Variants in RPAP2 observed in about 807,000 individuals in gnomAD.
RPAP2 encodes the protein RNA polymerase II associated protein 2.
Under a neutral mutation model 73.1 loss-of-function variants are expected in RPAP2, and 52 were observed. That is an observed-to-expected ratio of 0.71 (90% CI 0.57 to 0.90). The LOEUF (loss-of-function observed/expected upper bound fraction) is 0.90, where lower values mean the gene tolerates loss of function less well. Ranked by LOEUF, RPAP2 falls within the 40% of genes least tolerant of loss-of-function variation. RPAP2 has a pLI of 0.00. For missense variants in RPAP2, 598 were observed against 701.8 expected (o/e 0.85, Z 1.67); for synonymous variants, 225 against 242.1 (o/e 0.93, Z 0.65).
chr1:92,369,403 TGTG>T (rs1442475585), intron 11 of RPAP2, among the ~76,000 whole-genome samples: 2 of 152,152 alleles, frequency 1.3e-5, no homozygotes, highest in Admixed American at 1.3e-4. Context: ...GTTTACAAGT[TGTG>T]GGAACCGATC....
intron 12 of RPAP2, among the ~76,000 whole-genome samples, chr1:92,382,683 G>T (rs562191512): frequency 6.6e-6 from 1 of 152,062 alleles, no homozygotes; most frequent in African/African-American, 2.4e-5. Flanking sequence ...CTTTGTCGAT[G>T]AGTAGGTTGC....
intron 10 of RPAP2, among the ~76,000 whole-genome samples, chr1:92,338,338 A>G (rs145886612): frequency 6.6e-6 from 1 of 152,366 alleles, no homozygotes; most frequent in East Asian, 1.9e-4. Flanking sequence ...GCCTTTGCCA[A>G]AAGAGGATTT....
intron 10 of RPAP2, among the ~76,000 whole-genome samples, chr1:92,345,419 GA>G (rs1393750284): frequency 9.0e-6 from 1 of 111,346 alleles, no homozygotes; most frequent in African/African-American, 3.2e-5. Context: ...AGAGAAGAAA[GA>G]AAGAGAGGAA....
intron 5 of RPAP2, among the ~76,000 whole-genome samples, chr1:92,306,517 G>A (rs886604411): frequency 2.0e-5 from 3 of 152,186 alleles, no homozygotes; most frequent in Non-Finnish European, 4.4e-5. Context: ...AGTACACAGT[G>A]AAAATTAATA....
chr1:92,309,906 G>T (rs970103997), intron 6 of RPAP2, among the ~76,000 whole-genome samples: 2 of 152,184 alleles, frequency 1.3e-5, no homozygotes, highest in African/African-American at 4.8e-5. Context: ...GTATTGGGGA[G>T]CCATCAAATG....
intron 1 of RPAP2, among the ~76,000 whole-genome samples, chr1:92,299,985 C>T (rs1457711806): frequency 6.6e-6 from 1 of 152,188 alleles, no homozygotes; most frequent in Non-Finnish European, 1.5e-5. Context: ...CCTACTTACA[C>T]ACTAGGCTAT....
At chr1:92,374,168 C>T (rs150014442) in intron 11 of RPAP2, among the ~76,000 whole-genome samples, 10 of 152,086 alleles carry the variant, frequency 6.6e-5, no homozygotes, top group African/African-American at 2.4e-4. Context: ...ATTGAGAAGC[C>T]AACAAGAGAG....
At chr1:92,380,309 A>C (rs574470855) in intron 11 of RPAP2, among the ~76,000 whole-genome samples, 1 of 152,180 alleles carries the variant, frequency 6.6e-6, no homozygotes, top group South Asian at 2.1e-4. Context: ...AATTTCATTC[A>C]AAAGGTAATC....
chr1:92,308,998 C>T (rs1233233174), intron 6 of RPAP2, among the ~76,000 whole-genome samples: 1 of 152,026 alleles, frequency 6.6e-6, no homozygotes, highest in Non-Finnish European at 1.5e-5. Flanking sequence ...TAAAACAGGT[C>T]TTCCTGTAAC....
At chr1:92,358,119 C>G (rs929779882) in intron 11 of RPAP2, among the ~76,000 whole-genome samples, 1 of 152,164 alleles carries the variant, frequency 6.6e-6, no homozygotes, top group Non-Finnish European at 1.5e-5. Context: ...GGAGCCAGAT[C>G]TGATACTATC....
At chr1:92,337,148 A>T (rs544040236) in intron 10 of RPAP2, among the ~76,000 whole-genome samples, 3 of 152,280 alleles carry the variant, frequency 2.0e-5, no homozygotes, top group Non-Finnish European at 4.4e-5. Flanking sequence ...TTGCACTGAC[A>T]CAGAATAAAC....
intron 11 of RPAP2, among the ~76,000 whole-genome samples, chr1:92,375,999 CAAA>C (rs1234687722): frequency 9.2e-5 from 6 of 65,270 alleles, no homozygotes; most frequent in Admixed American, 3.5e-4. Flanking sequence ...GACTCTGTCT[CAAA>C]AAAAAAAAAA....
intron 9 of RPAP2, among the ~76,000 whole-genome samples, chr1:92,334,262 TTTG>T (rs1161466913): frequency 2.6e-5 from 4 of 152,232 alleles, no homozygotes; most frequent in African/African-American, 9.6e-5. Flanking sequence ...ATAGGAGTTT[TTTG>T]TTGTTTGTTT....
intron 6 of RPAP2, 69 bp downstream of exon 6, chr1:92,307,345 T>G: frequency 9.7e-7 from 1 of 1,034,698 alleles, no homozygotes; most frequent in Non-Finnish European, 1.4e-6. Flanking sequence ...TTTTTGAGAT[T>G]AGCTGAGAGT....
intron 3 of RPAP2, among the ~76,000 whole-genome samples, chr1:92,302,534 G>T (rs1650924389): frequency 6.9e-6 from 1 of 144,506 alleles, no homozygotes; most frequent in Non-Finnish European, 1.5e-5. Flanking sequence ...TCAAAAACCT[G>T]AAATACAGCT....
rs1273896330 is a variant in RPAP2, at chr1:92,371,569, T to C, written c.1689-9155T>C. On this transcript the variant is annotated intron_variant, in intron 11 of 12. Transcript: ENST00000610020. Reference sequence around the variant, plus strand: ...ATACATGAATAAAGAAAATATGGTATATATATTATATACATATAAACAGCG... The same window carrying C: ...ATACATGAATAAAGAAAATATGGTACATATATTATATACATATAAACAGCG... Among the ~76,000 whole-genome samples, 4 of 151,766 alleles carry C rather than the reference T, an allele frequency of 2.6e-5. No homozygotes were observed. The East Asian group carries it at 7.7e-4, about 29-fold the overall frequency.
At chr1:92,386,234 T>C (rs1655859508) in intron 12 of RPAP2, among the ~76,000 whole-genome samples, 1 of 152,092 alleles carries the variant, frequency 6.6e-6, no homozygotes, top group Admixed American at 6.5e-5. Flanking sequence ...ATACTCAAGG[T>C]GAGAGGATTA....
chr1:92,390,243 A>C lies in RPAP2; in HGVS notation c.*3232A>C, dbSNP rs528587206. On this transcript the variant is annotated 3_prime_UTR_variant, in exon 13 of 13. Transcript: ENST00000610020. ...AGAAGAGAATGGGGGCCAATATTCA[A>C]CATTCTTAAAGAAAAGAATTTTCAA... 6.6e-6 allele frequency: 1 copy of C among 152,380 alleles called. No homozygotes were observed. Among genetic ancestry groups the C allele is most frequent in the East Asian group, 1.9e-4 (1 of 5,186 alleles). The allele number at this position is 152,380 out of a possible 1,614,324, so 9.4% of individuals were successfully genotyped here. A position where few individuals can be genotyped will look rare whatever the true frequency, so the allele number is the denominator to read the frequency against.
chr1:92,334,859 A>G (rs550193692), intron 9 of RPAP2, among the ~76,000 whole-genome samples: 1 of 152,170 alleles, frequency 6.6e-6, no homozygotes, highest in African/African-American at 2.4e-5. Context: ...GTGGTGGCGG[A>G]TGCCTGTAGT....
Sources: allele counts gnomAD v4.1 joint callset (sites outside exome capture counted in the v4.1 genomes callset), GRCh38; gene constraint gnomAD v4.1.1; transcripts MANE v1.5; gene names NCBI Gene and HGNC (gene_info 2026-07-23, HGNC 2026-07-21).